GABBR2: variants seen among roughly 807,000 people sequenced by gnomAD.
The protein encoded by GABBR2 is gamma-aminobutyric acid type B receptor subunit 2.
Under a neutral mutation model 105.6 loss-of-function variants are expected in GABBR2, and 23 were observed. The observed-to-expected ratio is 0.22, with a 90% CI of 0.16 to 0.31. GABBR2 has a LOEUF of 0.31. Ranked by LOEUF, GABBR2 falls within the 10% of genes least tolerant of loss-of-function variation. The pLI, the probability that GABBR2 is intolerant of heterozygous loss-of-function variation, is 1.00. For synonymous variants in GABBR2, 478 were observed against 499.7 expected, an observed-to-expected ratio of 0.96 and a Z score of 0.58; for missense variants, 734 against 1,245.5, an observed-to-expected ratio of 0.59 and a Z score of 6.18.
At chr9:98,484,745 AG>A (rs1227604961) in intron 4 of GABBR2, among the ~76,000 whole-genome samples, 1 of 152,202 alleles carries the variant, frequency 6.6e-6, no homozygotes, top group African/African-American at 2.4e-5. Context: ...TTCAGGGGTT[AG>A]GGGAAAGGTT....
At chr9:98,690,248 G>A (rs1187080149) in intron 1 of GABBR2, among the ~76,000 whole-genome samples, 1 of 152,044 alleles carries the variant, frequency 6.6e-6, no homozygotes, top group African/African-American at 2.4e-5. Flanking sequence ...CCATTTTACA[G>A]GTGAAGAAAC....
chr9:98,696,277 A>G (rs1830749955), intron 1 of GABBR2, among the ~76,000 whole-genome samples: 1 of 152,212 alleles, frequency 6.6e-6, no homozygotes, highest in Non-Finnish European at 1.5e-5. Context: ...GGAGGAGCAC[A>G]CTCATCCAAG....
chr9:98,311,699 C>A (rs545476548), intron 13 of GABBR2, among the ~76,000 whole-genome samples: 6 of 152,354 alleles, frequency 3.9e-5, no homozygotes, highest in African/African-American at 1.4e-4. Flanking sequence ...CACAGCCCCA[C>A]TGCTGGAGCA....
At chr9:98,483,374 C>T (rs1215515059) in intron 4 of GABBR2, among the ~76,000 whole-genome samples, 2 of 152,186 alleles carry the variant, frequency 1.3e-5, no homozygotes, top group African/African-American at 2.4e-5. Context: ...AATCCTGCCC[C>T]ATCCACCCAT....
At chr9:98,304,885 C>T (rs1222919382) in intron 15 of GABBR2, among the ~76,000 whole-genome samples, 2 of 152,228 alleles carry the variant, frequency 1.3e-5, no homozygotes, top group Non-Finnish European at 2.9e-5. Context: ...GATCTTCCTA[C>T]TTCAGCCTCC....
At chr9:98,439,058 T>G (rs557520063) in intron 7 of GABBR2, among the ~76,000 whole-genome samples, 4 of 152,052 alleles carry the variant, frequency 2.6e-5, no homozygotes, top group Non-Finnish European at 4.4e-5. Context: ...TTTCACAATA[T>G]CTACCCGCCA....
chr9:98,489,958 T>C (rs1444612815), intron 4 of GABBR2, among the ~76,000 whole-genome samples: 1 of 152,136 alleles, frequency 6.6e-6, no homozygotes, highest in African/African-American at 2.4e-5. Flanking sequence ...CCAGGCTTGG[T>C]GGAGGGCACC....
chr9:98,514,105 G>A (rs1827709101), intron 3 of GABBR2, among the ~76,000 whole-genome samples: 1 of 138,430 alleles, frequency 7.2e-6, no homozygotes. Context: ...TCCTTTGTAG[G>A]GACATGGATG....
In GABBR2 at chr9:98,306,629, G is replaced by A; in HGVS notation, c.2005-284C>T. 2.1e-6 allele frequency: 1 copy of A among 476,414 alleles called. No individual in the cohort carries two copies. 29.5% of individuals were successfully genotyped at this position (476,414 alleles called of 1,614,324 possible). On this transcript the variant is annotated intron_variant, in intron 14 of 18. Transcript: ENST00000259455. The surrounding 1 kb of genome is among the most constrained non-coding windows in gnomAD (Gnocchi z 5.4). ...CACAGACCTGCCCAAGGCTACAGTG[G>A]AAGGGAACTTCAGATAAGATCTCAG...
At chr9:98,437,086 G>A (rs564846963) in intron 7 of GABBR2, among the ~76,000 whole-genome samples, 42 of 152,242 alleles carry the variant, frequency 2.8e-4, no homozygotes, top group South Asian at 6.2e-4. Context: ...ATGTATTTCC[G>A]TGAGTCAGAT....
chr9:98,436,824 A>G (rs1251445708), intron 7 of GABBR2, among the ~76,000 whole-genome samples: 3 of 152,192 alleles, frequency 2.0e-5, no homozygotes, highest in Admixed American at 1.3e-4. Flanking sequence ...AGGATGTGTG[A>G]TGATGTTTGA....
chr9:98,624,713 G>A (rs918246238), intron 1 of GABBR2, among the ~76,000 whole-genome samples: 1 of 152,162 alleles, frequency 6.6e-6, no homozygotes, highest in Non-Finnish European at 1.5e-5. Flanking sequence ...AAGGAACTTG[G>A]CCTGCACAGG....
intron 13 of GABBR2, among the ~76,000 whole-genome samples, chr9:98,354,795 T>G (rs921487933): frequency 2.6e-5 from 4 of 152,240 alleles, no homozygotes; most frequent in African/African-American, 9.6e-5. Flanking sequence ...TAAGGCTGTT[T>G]TGCTTTCTTA....
Position 98,467,277 on chromosome 9 carries a change from C to A in GABBR2, c.999+5869G>T, listed in dbSNP as rs1420894690. Among the ~76,000 whole-genome samples, 5 of 152,178 alleles carry A rather than the reference C, an allele frequency of 3.3e-5. No individual in the cohort carries two copies. The East Asian group carries it at 9.6e-4, about 29-fold the overall frequency. ...TATGGATGTTGGTATAGATGACCAG[C>A]CACCTGCCAGAGTCACCCAGTTGGG... On this transcript the variant is annotated intron_variant, in intron 6 of 18. Transcript: ENST00000259455.
Position 98,307,589 on chromosome 9 carries a change from A to G in GABBR2, c.2005-1244T>C, listed in dbSNP as rs535001803. ...TGGCAGCATAACGCTGTGTGGTAGA[A>G]GCAGGGCTGGACACAAGGCCAGGGG... On this transcript the variant is annotated intron_variant, in intron 14 of 18. Transcript: ENST00000259455. 9.8e-5 allele frequency among the ~76,000 whole-genome samples: 15 copies of G among 152,296 alleles called. No individual in the cohort carries two copies. The South Asian group carries it at 2.3e-3, about 23-fold the overall frequency.
At chr9:98,393,425 T>TTCCA (rs1286619543) in intron 9 of GABBR2, among the ~76,000 whole-genome samples, 2 of 93,508 alleles carry the variant, frequency 2.1e-5, no homozygotes, top group Admixed American at 9.8e-5. Context: ...CAGCCCAACC[T>TTCCA]TCCATCCATC....
intron 8 of GABBR2, among the ~76,000 whole-genome samples, chr9:98,401,043 A>C (rs1832386422): frequency 6.6e-6 from 1 of 151,564 alleles, no homozygotes; most frequent in African/African-American, 2.4e-5. Context: ...GGGAGAGTGT[A>C]AATCTGGGGT....
At chr9:98,625,567 G>C (rs894469738) in intron 1 of GABBR2, among the ~76,000 whole-genome samples, 3 of 152,172 alleles carry the variant, frequency 2.0e-5, no homozygotes, top group African/African-American at 7.2e-5. Flanking sequence ...CCCTCGCCAG[G>C]CTGCTGAGAG....
At chr9:98,327,227 G>C (rs755591693) in intron 13 of GABBR2, among the ~76,000 whole-genome samples, 1 of 152,148 alleles carries the variant, frequency 6.6e-6, no homozygotes, top group African/African-American at 2.4e-5. Context: ...TTTTAAACCT[G>C]TGGTTTAGAT....
Sources: gnomAD v4.1 joint callset for allele counts (sites outside exome capture counted in the v4.1 genomes callset) on GRCh38, gnomAD v4.1.1 for gene constraint, Gnocchi (gnomAD v3.1) non-coding constraint, MANE v1.5 for transcripts, NCBI Gene and HGNC (gene_info 2026-07-23, HGNC 2026-07-21) for gene names.